C1orf87: variants seen among roughly 807,000 people sequenced by gnomAD.
The protein encoded by C1orf87 is chromosome 1 open reading frame 87, also known as uncharacterized protein C1orf87.
A neutral mutation model predicts 60.5 loss-of-function variants in C1orf87; 58 were observed. The ratio of observed to expected loss-of-function variants is 0.96; its 90% CI spans 0.78 to 1.19. The LOEUF is 1.19. C1orf87 is among the 50% of genes most tolerant of loss of function. C1orf87 has a pLI of 0.00. For missense variants in C1orf87, 673 were observed against 638.6 expected (o/e 1.05, Z -0.58); for synonymous variants, 236 against 227.4 (o/e 1.04, Z -0.34).
chr1:60,008,626 T>C, intron 9 of C1orf87: 1 of 445,384 alleles, frequency 2.2e-6, no homozygotes, highest in East Asian at 7.0e-5. Context: ...GAAAGCCATG[T>C]GAGGACACAT....
intron 8 of C1orf87, among the ~76,000 whole-genome samples, chr1:60,020,651 A>G (rs1645156969): frequency 6.6e-6 from 1 of 152,014 alleles, no homozygotes; most frequent in South Asian, 2.1e-4. Flanking sequence ...CAATGCCTGT[A>G]CTCCCACTGT....
Position 60,055,201 on chromosome 1 carries a change from C to T in C1orf87, c.342+3G>A. 5.6e-6 allele frequency: 9 copies of T among 1,607,412 alleles called. No individual in the cohort carries two copies. The highest frequency in any genetic ancestry group is 7.7e-6 in the Non-Finnish European group (9 of 1,174,388). ...ATAAACGTGGGTATTTTTTGTCACT[C>T]ACATTGCCATCCAGGAATCTGCTAC... is the stretch of plus-strand genomic sequence containing the variant. On this transcript the variant is annotated splice_donor_region_variant and intron_variant, in intron 3 of 11. Transcript: ENST00000371201.
chr1:60,047,144 G>A (rs1474228047), intron 3 of C1orf87, among the ~76,000 whole-genome samples: 2 of 152,078 alleles, frequency 1.3e-5, no homozygotes, highest in African/African-American at 4.8e-5. Context: ...TCTTTAAAGG[G>A]AAACGTCCCT....
At position 60,041,419 on chromosome 1, in the gene C1orf87, G is replaced by A. The variant is rs137934912; in HGVS notation, c.343-288C>T. Among the ~76,000 whole-genome samples, 773 of 152,266 alleles carry A rather than the reference G, an allele frequency of 5.1e-3. 3 individuals carry two copies. Among genetic ancestry groups the A allele is most frequent in the Non-Finnish European group, 8.4e-3 (569 of 68,032 alleles). On this transcript the variant is annotated intron_variant, in intron 3 of 11. Transcript: ENST00000371201. Reference sequence around the variant, plus strand: ...TGACAGGCAAAAAATAATAGGTAGAGCATAAGGTGTTTATAGGCAAATGTG... The same window carrying A: ...TGACAGGCAAAAAATAATAGGTAGAACATAAGGTGTTTATAGGCAAATGTG...
At chr1:60,058,785 AG>A (rs2100323234) in intron 2 of C1orf87, among the ~76,000 whole-genome samples, 1 of 152,312 alleles carries the variant, frequency 6.6e-6, no homozygotes, top group South Asian at 2.1e-4. Context: ...AGTCAGAGGA[AG>A]GTCCATGGAA....
At chr1:60,036,385 C>T (rs1220224832) in intron 6 of C1orf87, among the ~76,000 whole-genome samples, 1 of 152,170 alleles carries the variant, frequency 6.6e-6, no homozygotes, top group African/African-American at 2.4e-5. Context: ...TACCTTCTTC[C>T]TAGAGTAAAA....
chr1:60,069,466 A>G (rs149514237), intron 2 of C1orf87, among the ~76,000 whole-genome samples: 1 of 151,286 alleles, frequency 6.6e-6, no homozygotes, highest in African/African-American at 2.4e-5. Flanking sequence ...AGGCGGTTAT[A>G]GTGACCTAGG....
intron 8 of C1orf87, among the ~76,000 whole-genome samples, chr1:60,013,807 G>T (rs1385239005): frequency 6.6e-6 from 1 of 151,894 alleles, no homozygotes; most frequent in African/African-American, 2.4e-5. Context: ...TGAAGTCAAG[G>T]GCAGATGACA....
intron 8 of C1orf87, among the ~76,000 whole-genome samples, chr1:60,011,383 G>A (rs1466274451): frequency 1.3e-5 from 2 of 151,882 alleles, no homozygotes; most frequent in African/African-American, 2.4e-5. Context: ...CCTAGCCAAC[G>A]TTGTGACCCA....
At chr1:60,060,755 A>T (rs1474588438) in intron 2 of C1orf87, among the ~76,000 whole-genome samples, 1 of 152,174 alleles carries the variant, frequency 6.6e-6, no homozygotes, top group Non-Finnish European at 1.5e-5. Context: ...CACATTCCTT[A>T]ATTGTGATTA....
At chr1:60,032,522 C>T (rs1645246600) in intron 7 of C1orf87, among the ~76,000 whole-genome samples, 1 of 148,590 alleles carries the variant, frequency 6.7e-6, no homozygotes, top group Non-Finnish European at 1.5e-5. Flanking sequence ...ACTGCAACCT[C>T]CACCTCCCAG....
At chr1:60,064,132 T>TC (rs1645516122) in intron 2 of C1orf87, among the ~76,000 whole-genome samples, 2 of 151,498 alleles carry the variant, frequency 1.3e-5, no homozygotes, top group African/African-American at 2.4e-5. Context: ...AACATTGAAC[T>TC]CCAAGTTGTT....
At position 60,014,202 on chromosome 1, in the gene C1orf87, C is replaced by T. The variant is rs540519022; in HGVS notation, c.1128-3746G>A. Among the ~76,000 whole-genome samples, 8 of 152,044 alleles carry T rather than the reference C, an allele frequency of 5.3e-5. No individual in the cohort carries two copies. In the South Asian group the frequency reaches 8.3e-4, roughly 16 times the overall value. On this transcript the variant is annotated intron_variant, in intron 8 of 11. Coordinates refer to ENST00000371201, the MANE Select transcript of C1orf87 (RefSeq NM_152377.3). ...AGGAGATGTGGGGAACCAGAGTGCT[C>T]GGGCTGCACAATAAAACAACACTTG...
intron 9 of C1orf87, among the ~76,000 whole-genome samples, chr1:60,009,652 G>A (rs1378643549): frequency 1.2e-5 from 1 of 83,704 alleles, no homozygotes; most frequent in South Asian, 5.6e-4. Flanking sequence ...ACACACATGC[G>A]TGCACATTCA....
intron 3 of C1orf87, among the ~76,000 whole-genome samples, chr1:60,046,301 T>C (rs1172791568): frequency 5.2e-5 from 7 of 135,448 alleles, no homozygotes; most frequent in Admixed American, 2.2e-4. Flanking sequence ...TCTCTCTCTC[T>C]CCCTCCCTCC....
chr1:60,023,728 G>T (rs558343507), intron 8 of C1orf87, among the ~76,000 whole-genome samples: 43 of 152,050 alleles, frequency 2.8e-4, no homozygotes, highest in African/African-American at 1.0e-3. Context: ...TTTCTTTTCT[G>T]TTCCAGATTC....
chr1:60,051,761 G>C (rs920808387), intron 3 of C1orf87, among the ~76,000 whole-genome samples: 17 of 152,210 alleles, frequency 1.1e-4, no homozygotes, highest in Non-Finnish European at 2.1e-4. Flanking sequence ...ATGGTGGTCT[G>C]ATTAAGGTGA....
chr1:60,059,296 G>C (rs1421423292), intron 2 of C1orf87, among the ~76,000 whole-genome samples: 1 of 152,116 alleles, frequency 6.6e-6, no homozygotes, highest in Non-Finnish European at 1.5e-5. Context: ...GGGGAAAAAC[G>C]CCATCAATAC....
At chr1:60,024,134 A>G (rs989710681) in intron 8 of C1orf87, among the ~76,000 whole-genome samples, 5 of 152,144 alleles carry the variant, frequency 3.3e-5, no homozygotes, top group African/African-American at 9.7e-5. Flanking sequence ...GTGAATAATA[A>G]GTCCTACTTT....
Sources: gnomAD v4.1 joint callset for allele counts (sites outside exome capture counted in the v4.1 genomes callset) on GRCh38, gnomAD v4.1.1 for gene constraint, MANE v1.5 for transcripts, NCBI Gene and HGNC (gene_info 2026-07-23, HGNC 2026-07-21) for gene names.